Variants in SOX6 observed in about 807,000 individuals in gnomAD.
The protein encoded by SOX6 is SRY-box transcription factor 6.
A neutral mutation model predicts 97.8 loss-of-function variants in SOX6; 11 were observed. The ratio of observed to expected loss-of-function variants is 0.11; its 90% CI spans 0.07 to 0.19. The LOEUF is 0.19. Among genes scored for constraint, SOX6 ranks in the 10% least tolerant of loss-of-function variants. The probability of loss-of-function intolerance (pLI) is 1.00; values close to 1 mark genes in which losing one functional copy is unlikely to be tolerated. For missense variants in SOX6, 810 were observed against 1,039.5 expected, an observed-to-expected ratio of 0.78 and a Z score of 3.04; for synonymous variants, 360 against 371.4, an observed-to-expected ratio of 0.97 and a Z score of 0.35.
At chr11:16,169,076 A>T (rs1850963610) in intron 6 of SOX6, among the ~76,000 whole-genome samples, 1 of 152,144 alleles carries the variant, frequency 6.6e-6, no homozygotes, top group Non-Finnish European at 1.5e-5. Context: ...TAAGCTTGTA[A>T]TATTTGGGGA....
rs1044141386 is a variant in SOX6 at position 16,582,624 on chromosome 11, T to C, written n.609+29457A>G. On this transcript the variant is annotated intron_variant and non_coding_transcript_variant, in intron 4 of 5. Transcript: ENST00000524520. ...CCCAAAAGATCTCAAAAAAAAACCA[T>C]AAAGAGTAAGAAAGAGCATATAACC... 6.6e-5 allele frequency among the ~76,000 whole-genome samples: 10 copies of C among 151,560 alleles called. No individual in the cohort carries two copies. In the East Asian group the frequency reaches 7.8e-4, roughly 12 times the overall value.
Position 16,248,109 on chromosome 11 carries a change from C to T in SOX6, c.446-13438G>A, listed in dbSNP as rs528856996. Among the ~76,000 whole-genome samples, 314 of 152,298 alleles carry T rather than the reference C, an allele frequency of 2.1e-3. 1 individual carries two copies. Among genetic ancestry groups the T allele is most frequent in the African/African-American group, 7.3e-3 (303 of 41,572 alleles). ...AAACCTTAAAGTTCCAAAATGACCT[C>T]CTTTGACTCCATGTCTCACATCCAG... On this transcript the variant is annotated intron_variant, in intron 3 of 15. Coordinates refer to ENST00000683767, the MANE Select transcript of SOX6 (RefSeq NM_001367873.1).
chr11:16,659,066 T>G lies in SOX6; in HGVS notation n.430-46806A>C, dbSNP rs1208917704. ...GTAAAGTTCAGCTTAACAATTTTCCTCTCATGGACTCTGCTTTTTGGTGCT... is the reference window on the plus strand; with the variant it reads ...GTAAAGTTCAGCTTAACAATTTTCCGCTCATGGACTCTGCTTTTTGGTGCT... On this transcript the variant is annotated intron_variant and non_coding_transcript_variant, in intron 3 of 5. Transcript: ENST00000524520. 4.6e-5 allele frequency among the ~76,000 whole-genome samples: 7 copies of G among 152,348 alleles called. No individual in the cohort carries two copies. The South Asian group carries it at 1.5e-3, about 32-fold the overall frequency.
intron 3 of SOX6, among the ~76,000 whole-genome samples, chr11:16,698,971 C>G (rs1590056429): frequency 6.6e-6 from 1 of 152,162 alleles, no homozygotes; most frequent in Non-Finnish European, 1.5e-5. Context: ...ATGTGACACA[C>G]AGATATGAAG....
rs540073893 is a variant in SOX6 at position 16,619,677 on chromosome 11, C to T, written n.430-7417G>A. ...ATTAAGCAAGTGGTACAATATGTAA[C>T]GGTACCTGGATTAGCACAAACTGAG... is the stretch of plus-strand genomic sequence containing the variant. On this transcript the variant is annotated intron_variant and non_coding_transcript_variant, in intron 3 of 5. Transcript: ENST00000524520. 8.5e-4 allele frequency among the ~76,000 whole-genome samples: 129 copies of T among 152,056 alleles called. 1 individual carries two copies. The highest frequency in any genetic ancestry group is 3.3e-3 in the South Asian group (16 of 4,822).
At chr11:16,014,283 T>C (rs1854818199) in intron 13 of SOX6, among the ~76,000 whole-genome samples, 1 of 152,040 alleles carries the variant, frequency 6.6e-6, no homozygotes, top group East Asian at 1.9e-4. Flanking sequence ...TTGGTGCGGG[T>C]AAACATTCTG....
chr11:16,609,631 A>C (rs1188678968), intron 4 of SOX6, among the ~76,000 whole-genome samples: 1 of 152,232 alleles, frequency 6.6e-6, no homozygotes, highest in Non-Finnish European at 1.5e-5. Flanking sequence ...GGATGCAAGC[A>C]CAGAAGATGG....
Position 16,017,679 on chromosome 11 carries a change from T to C in SOX6, c.1624-2629A>G, listed in dbSNP as rs1008315077. On this transcript the variant is annotated intron_variant, in intron 12 of 15. Coordinates refer to ENST00000683767, the MANE Select transcript of SOX6 (RefSeq NM_001367873.1). Reference sequence around the variant, plus strand: ...GCCTAGTAAATACAGGATGTGGACATGGGCACAGAGAGAAGTATAAAGATA... The same window carrying C: ...GCCTAGTAAATACAGGATGTGGACACGGGCACAGAGAGAAGTATAAAGATA... Among the ~76,000 whole-genome samples the C allele has an allele frequency of 1.4e-3, 213 of 152,162 alleles. 1 individual carries two copies. The highest frequency in any genetic ancestry group is 5.0e-3 in the African/African-American group (207 of 41,552).
chr11:16,314,139 A>G (rs974594844), intron 3 of SOX6: 1 of 152,204 alleles, frequency 6.6e-6, no homozygotes, highest in Non-Finnish European at 1.5e-5. Flanking sequence ...TATAAAGTTC[A>G]AACTCCTTAG....
intron 6 of SOX6, among the ~76,000 whole-genome samples, chr11:16,142,072 C>A (rs904763719): frequency 1.3e-5 from 2 of 152,160 alleles, no homozygotes; most frequent in Admixed American, 6.5e-5. Context: ...GGATCCCTGA[C>A]CCCCGAGTAG....
intron 4 of SOX6, among the ~76,000 whole-genome samples, chr11:16,565,440 C>T (rs774831299): frequency 2.0e-5 from 3 of 151,612 alleles, no homozygotes; most frequent in Admixed American, 6.6e-5. Context: ...ATTTGTTTTA[C>T]GAAGCTAGTA....
intron 4 of SOX6, among the ~76,000 whole-genome samples, chr11:16,198,617 A>T (rs1384354037): frequency 6.6e-6 from 1 of 152,162 alleles, no homozygotes; most frequent in Non-Finnish European, 1.5e-5. Flanking sequence ...GTACTTAAAA[A>T]CAACCTCAGC....
intron 15 of SOX6, among the ~76,000 whole-genome samples, chr11:15,985,414 G>A (rs1169933675): frequency 6.6e-6 from 1 of 152,070 alleles, no homozygotes; most frequent in African/African-American, 2.4e-5. Flanking sequence ...GAGTCCAGCT[G>A]CTTCAGGTCT....
At chr11:16,063,253 C>T (rs1287386412) in intron 9 of SOX6, among the ~76,000 whole-genome samples, 1 of 150,934 alleles carries the variant, frequency 6.6e-6, no homozygotes, top group East Asian at 2.0e-4. Context: ...AATAACCAAG[C>T]CTGTTTAGAT....
intron 4 of SOX6, among the ~76,000 whole-genome samples, chr11:16,209,516 G>A (rs1852163000): frequency 6.6e-6 from 1 of 152,160 alleles, no homozygotes; most frequent in Admixed American, 6.6e-5. Context: ...AGCACTTTGG[G>A]AGGCCGAAGT....
intron 1 of SOX6, among the ~76,000 whole-genome samples, chr11:16,391,001 A>G (rs1016446032): frequency 6.6e-6 from 1 of 152,232 alleles, no homozygotes; most frequent in Non-Finnish European, 1.5e-5. Context: ...ACCATGGAAT[A>G]CTATGCAGCC....
At chr11:16,039,405 C>A (rs1021556021) in intron 12 of SOX6, among the ~76,000 whole-genome samples, 3 of 152,012 alleles carry the variant, frequency 2.0e-5, no homozygotes, top group African/African-American at 7.2e-5. Flanking sequence ...ACACATAATG[C>A]AGGTGTATGT....
chr11:16,043,731 A>G (rs1342650978), intron 12 of SOX6, among the ~76,000 whole-genome samples: 4 of 152,186 alleles, frequency 2.6e-5, no homozygotes, highest in African/African-American at 9.7e-5. Context: ...TGCAGCACAG[A>G]TCCCCCCCTG....
At chr11:16,219,014 C>A (rs1852458709) in intron 4 of SOX6, among the ~76,000 whole-genome samples, 1 of 152,182 alleles carries the variant, frequency 6.6e-6, no homozygotes, top group East Asian at 1.9e-4. Context: ...CATTAGGGAT[C>A]TTTTTCAGTA....
Sources: gnomAD v4.1 joint callset for allele counts (sites outside exome capture counted in the v4.1 genomes callset) on GRCh38, gnomAD v4.1.1 for gene constraint, MANE v1.5 for transcripts, NCBI Gene and HGNC (gene_info 2026-07-23, HGNC 2026-07-21) for gene names.